The following MAP3K5 variants were observed in gnomAD, a reference collection of about 807,000 sequenced individuals.
MAP3K5 encodes the protein mitogen-activated protein kinase kinase kinase 5.
MAP3K5 carries 56 observed loss-of-function variants against 158.7 expected under a neutral mutation model. That is an observed-to-expected ratio of 0.35 (90% confidence interval 0.28 to 0.44). The LOEUF is 0.44. Ranked by LOEUF, MAP3K5 falls within the 20% of genes least tolerant of loss-of-function variation. The pLI, the probability that MAP3K5 is intolerant of heterozygous loss-of-function variation, is 1.00. For synonymous variants in MAP3K5, 579 were observed against 601.7 expected (o/e 0.96, Z 0.55); for missense variants, 1,294 against 1,674.8 (o/e 0.77, Z 3.97).
chr6:136,790,483 T>C (rs532613405), intron 1 of MAP3K5, among the ~76,000 whole-genome samples: 80 of 152,364 alleles, frequency 5.3e-4, no homozygotes, highest in African/African-American at 1.9e-3. Context: ...ATTATAGCCA[T>C]GCTCAGTTAT....
intron 8 of MAP3K5, among the ~76,000 whole-genome samples, chr6:136,667,586 A>AAAAT (rs777218729): frequency 5.9e-5 from 9 of 152,126 alleles, no homozygotes; most frequent in East Asian, 3.8e-4. Context: ...GCCAACCTTA[A>AAAAT]AAATAAATAA....
At chr6:136,563,675 C>T (rs1830614657) in intron 26 of MAP3K5, among the ~76,000 whole-genome samples, 1 of 152,174 alleles carries the variant, frequency 6.6e-6, no homozygotes, top group African/African-American at 2.4e-5. Context: ...AACTGAGAGC[C>T]AACTGGTAAC....
intron 1 of MAP3K5, among the ~76,000 whole-genome samples, chr6:136,736,941 G>A (rs983641078): frequency 6.6e-6 from 1 of 151,310 alleles, no homozygotes; most frequent in Non-Finnish European, 1.5e-5. Flanking sequence ...GCCTCCCAAA[G>A]TGTTGGGATT....
chr6:136,657,735 C>T (rs761063504), intron 9 of MAP3K5, among the ~76,000 whole-genome samples: 1 of 152,106 alleles, frequency 6.6e-6, no homozygotes, highest in Admixed American at 6.6e-5. Flanking sequence ...AGGTCAAGGT[C>T]GGCTTTGTGA....
intron 1 of MAP3K5, among the ~76,000 whole-genome samples, chr6:136,757,063 C>T (rs374992284): frequency 6.6e-6 from 1 of 152,162 alleles, no homozygotes; most frequent in Admixed American, 6.5e-5. Context: ...CAGTAGAAAT[C>T]GATAGGAAGA....
chr6:136,692,623 C>A (rs1357938502), intron 7 of MAP3K5, among the ~76,000 whole-genome samples: 3 of 152,204 alleles, frequency 2.0e-5, no homozygotes, highest in Non-Finnish European at 4.4e-5. Flanking sequence ...AAGATAAGCA[C>A]AATAGAATCT....
chr6:136,708,124 T>C (rs1007558619), intron 2 of MAP3K5, among the ~76,000 whole-genome samples: 1 of 152,296 alleles, frequency 6.6e-6, no homozygotes, highest in Non-Finnish European at 1.5e-5. Flanking sequence ...ATAATAAATT[T>C]TCACTGTATA....
chr6:136,611,300 A>C lies in MAP3K5; in HGVS notation c.2503T>G (p.Cys835Gly). 1 of 1,611,494 alleles carries C rather than the reference A, an allele frequency of 6.2e-7. No homozygotes were observed. Among genetic ancestry groups the C allele is most frequent in the South Asian group, 1.1e-5 (1 of 90,998 alleles). ...TSKRLAGINPCTETFTGTLQY... is the reference protein window; with the variant it reads ...TSKRLAGINPGTETFTGTLQY... ...AACATACCAGTAAAAGTTTCAGTACAGGGGTTTATGCCAGCAAGCCTCTTT... is the reference window on the plus strand; with the variant it reads ...AACATACCAGTAAAAGTTTCAGTACCGGGGTTTATGCCAGCAAGCCTCTTT... The change falls in exon 18 of 30, where the codon TGT (cysteine) becomes GGT (glycine). Residue 835 changes from cysteine to glycine, a missense_variant. Around this residue, in one of 5 missense-constraint regions of MAP3K5, gnomAD observed 362 missense variants for 463.2 expected, o/e 0.78. Coordinates refer to ENST00000359015, the MANE Select transcript of MAP3K5 (RefSeq NM_005923.4).
chr6:136,568,508 C>T (rs1001872584), intron 25 of MAP3K5, among the ~76,000 whole-genome samples: 4 of 152,162 alleles, frequency 2.6e-5, no homozygotes, highest in African/African-American at 7.2e-5. Context: ...GAAATTTAAA[C>T]CATAGAAGTT....
intron 2 of MAP3K5, among the ~76,000 whole-genome samples, chr6:136,716,027 C>CAAAAAAAAAAAAAAAAACAAA (rs1781507465): frequency 4.3e-5 from 1 of 23,022 alleles, no homozygotes; most frequent in Non-Finnish European, 7.0e-5. Flanking sequence ...AAGATCGTCT[C>CAAAAAAAAAAAAAAAAACAAA]AAAAAAAAAA....
At chr6:136,685,987 A>G (rs1440564255) in intron 7 of MAP3K5, among the ~76,000 whole-genome samples, 1 of 152,224 alleles carries the variant, frequency 6.6e-6, no homozygotes, top group Non-Finnish European at 1.5e-5. Context: ...TTTGCACTAC[A>G]GCGGAAACTG....
intron 27 of MAP3K5, among the ~76,000 whole-genome samples, 160 bp downstream of exon 27, chr6:136,562,343 T>C (rs1670156367): frequency 6.6e-6 from 1 of 152,174 alleles, no homozygotes; most frequent in African/African-American, 2.4e-5. Context: ...TTTGCTACAG[T>C]TAAAAACTGG....
chr6:136,660,506 T>G (rs1364137227), intron 8 of MAP3K5, among the ~76,000 whole-genome samples: 2 of 152,240 alleles, frequency 1.3e-5, no homozygotes, highest in African/African-American at 4.8e-5. Context: ...GTAATGTAGA[T>G]ACTCCAACTT....
intron 1 of MAP3K5, among the ~76,000 whole-genome samples, chr6:136,769,794 AG>A (rs1784115741): frequency 1.3e-4 from 5 of 38,150 alleles, no homozygotes; most frequent in Non-Finnish European, 4.8e-5. Flanking sequence ...GAAGGAAGGA[AG>A]GGAGGGAGGG....
chr6:136,619,138 G>A (rs990885362), intron 15 of MAP3K5, among the ~76,000 whole-genome samples: 1 of 152,112 alleles, frequency 6.6e-6, no homozygotes, highest in Non-Finnish European at 1.5e-5. Context: ...TTGCATGGGA[G>A]GGGGTGTCTT....
At chr6:136,642,030 A>AAAATAAAAAT (rs1491266433) in intron 12 of MAP3K5, among the ~76,000 whole-genome samples, 11,572 of 118,762 alleles carry the variant, frequency 0.097, 672 homozygotes, top group South Asian at 0.11. Flanking sequence ...AAAATAAAAT[A>AAAATAAAAAT]AAAATAAAAT....
chr6:136,689,954 A>G (rs1014515879), intron 7 of MAP3K5, among the ~76,000 whole-genome samples: 10 of 152,186 alleles, frequency 6.6e-5, no homozygotes, highest in African/African-American at 2.4e-4. Flanking sequence ...AGGAATTCCT[A>G]AACTAAGTTG....
intron 1 of MAP3K5, among the ~76,000 whole-genome samples, chr6:136,790,794 C>T (rs976146177): frequency 6.6e-6 from 1 of 152,186 alleles, no homozygotes; most frequent in Non-Finnish European, 1.5e-5. Flanking sequence ...CAACACTGGA[C>T]GTACAGGGGA....
intron 15 of MAP3K5, among the ~76,000 whole-genome samples, chr6:136,619,852 T>C (rs1184679591): frequency 6.6e-6 from 1 of 152,132 alleles, no homozygotes; most frequent in Non-Finnish European, 1.5e-5. Flanking sequence ...GGAGTAGATG[T>C]GGAGTGCAAG....
Sources: allele counts gnomAD v4.1 joint callset (sites outside exome capture counted in the v4.1 genomes callset), GRCh38; gene constraint gnomAD v4.1.1; regional missense constraint gnomAD v4.1.1; transcripts MANE v1.5; gene names NCBI Gene and HGNC (gene_info 2026-07-23, HGNC 2026-07-21).